The following BORCS7 variants were observed in gnomAD, a reference collection of about 807,000 sequenced individuals.
BORCS7 encodes BLOC-1-related complex subunit 7.
In BORCS7, 20 loss-of-function variants were observed where a neutral mutation model predicts 17.5. That is an observed-to-expected ratio of 1.14 (90% confidence interval 0.80 to 1.66). The LOEUF (loss-of-function observed/expected upper bound fraction) is 1.66. Ranked by LOEUF, BORCS7 falls within the 40% of genes most tolerant of loss-of-function variation. BORCS7 has a pLI of 0.00. For missense variants in BORCS7, 122 were observed against 129.7 expected, an observed-to-expected ratio of 0.94 and a Z score of 0.29; for synonymous variants, 57 against 49.8, an observed-to-expected ratio of 1.14 and a Z score of -0.61.
At position 102,863,106 on chromosome 10, in the gene BORCS7, C is replaced by T. The variant is rs1342930171; in HGVS notation, c.*182C>T. ...ATCCCAGCACTTTGGGAGGCCGAGG[C>T]GGGTGGATCACGAGGTCAGGAGTTC... On this transcript the variant is annotated 3_prime_UTR_variant, in exon 5 of 5. Transcript: ENST00000339834. The T allele has an allele frequency of 2.6e-5, 13 of 503,366 alleles. No homozygotes were observed. The highest frequency in any genetic ancestry group is 3.6e-5 in the East Asian group (1 of 27,882). 31.2% of individuals were successfully genotyped at this position (503,366 alleles called of 1,614,324 possible). A position where few individuals can be genotyped will look rare whatever the true frequency, so the allele number is the denominator to read the frequency against.
chr10:102,857,666 C>A (rs187819414), intron 1 of BORCS7, among the ~76,000 whole-genome samples: 1 of 152,206 alleles, frequency 6.6e-6, no homozygotes, highest in East Asian at 1.9e-4. Context: ...ATTTTTTGTA[C>A]CACTACTTAC....
Position 102,854,553 on chromosome 10 carries a change from T to G in BORCS7, c.141+126T>G, listed in dbSNP as rs932487993. 7.5e-6 allele frequency: 9 copies of G among 1,201,120 alleles called. No homozygotes were observed. The East Asian group carries it at 1.3e-4, about 17-fold the overall frequency. The allele number at this position is 1,201,120 out of a possible 1,614,324, so 74.4% of individuals were successfully genotyped here. A position where few individuals can be genotyped will look rare whatever the true frequency, so the allele number is the denominator to read the frequency against. ...GTGAAGTACTTGCTATGAGTAGGTC[T>G]TCTTCGCGGAGGCGCGTGTTGCATT... On this transcript the variant is annotated intron_variant, in intron 1 of 4. Coordinates refer to ENST00000339834, the MANE Select transcript of BORCS7 (RefSeq NM_001136200.2).
chr10:102,856,246 T>G (rs1477527178), intron 1 of BORCS7, among the ~76,000 whole-genome samples: 1 of 152,178 alleles, frequency 6.6e-6, no homozygotes, highest in East Asian at 1.9e-4. Flanking sequence ...CCATTGTGTT[T>G]TTTTCTAAAC....
At chr10:102,860,122 C>T (rs190290209) in intron 1 of BORCS7, among the ~76,000 whole-genome samples, 9 of 152,270 alleles carry the variant, frequency 5.9e-5, no homozygotes, top group African/African-American at 2.2e-4. Flanking sequence ...AAACAGATGT[C>T]GGGTCCATGC....
chr10:102,854,471 C>A, intron 1 of BORCS7, 44 bp downstream of exon 1: 2 of 1,505,534 alleles, frequency 1.3e-6, no homozygotes, highest in South Asian at 2.4e-5. Context: ...TCCGGGGAGT[C>A]GCAGTCTTTC....
At chr10:102,859,209 C>G (rs1391960791) in intron 1 of BORCS7, among the ~76,000 whole-genome samples, 1 of 149,780 alleles carries the variant, frequency 6.7e-6, no homozygotes, top group Non-Finnish European at 1.5e-5. Context: ...ATGGTGCGAT[C>G]TCGGCTCACT....
chr10:102,858,042 G>A (rs1279389722), intron 1 of BORCS7, among the ~76,000 whole-genome samples: 1 of 151,806 alleles, frequency 6.6e-6, no homozygotes, highest in Non-Finnish European at 1.5e-5. Context: ...GCATGCACTT[G>A]TAGTCCCAGC....
intron 3 of BORCS7, chr10:102,860,767 T>A: frequency 1.6e-6 from 1 of 606,414 alleles, no homozygotes; most frequent in East Asian, 2.8e-5. Flanking sequence ...CCTCCCCATG[T>A]TAAATTGAGG....
chr10:102,860,480 T>C lies in BORCS7; in HGVS notation c.205-18T>C, dbSNP rs1844500052. The C allele has an allele frequency of 1.2e-6, 2 of 1,612,076 alleles. No individual in the cohort carries two copies. Among genetic ancestry groups the C allele is most frequent in the Admixed American group, 3.3e-5 (2 of 59,986 alleles). On this transcript the variant is annotated intron_variant, in intron 2 of 4. Transcript: ENST00000339834. Reference sequence around the variant, plus strand: ...GGGAAGTGGAAATGTTCTATTTCTCTCTCTCTTTTTTATGCAGAGTTTAAG... The same window carrying C: ...GGGAAGTGGAAATGTTCTATTTCTCCCTCTCTTTTTTATGCAGAGTTTAAG...
chr10:102,859,586 G>C (rs140485822), intron 1 of BORCS7, among the ~76,000 whole-genome samples: 3,000 of 136,756 alleles, frequency 0.022, 75 homozygotes, highest in East Asian at 0.08. Context: ...TTTTTTTTGA[G>C]ACAGGGTCTT....
chr10:102,854,512 T>A (rs2134094086), intron 1 of BORCS7, 85 bp downstream of exon 1: 1 of 1,451,346 alleles, frequency 6.9e-7, no homozygotes, highest in South Asian at 1.3e-5. Flanking sequence ...GCGTTGCATC[T>A]TGGGAATTGT....
intron 1 of BORCS7, among the ~76,000 whole-genome samples, chr10:102,855,514 T>C (rs768344547): frequency 2.4e-4 from 37 of 152,274 alleles, no homozygotes; most frequent in South Asian, 1.7e-3. Context: ...GAGAATTTCA[T>C]GTGTAAAAAA....
In BORCS7 at chr10:102,863,289, C is replaced by A. The variant is rs970419286; in HGVS notation, c.*365C>A. ...GGTGGAGGTTGCAGTGAGCCAAGAT[C>A]GCGCCACTGCACTCCAGCCTGGGCG... On this transcript the variant is annotated 3_prime_UTR_variant, in exon 5 of 5. Coordinates refer to ENST00000339834, the MANE Select transcript of BORCS7 (RefSeq NM_001136200.2). 6.2e-6 allele frequency: 1 copy of A among 160,168 alleles called. No individual in the cohort carries two copies. The highest frequency in any genetic ancestry group is 2.4e-5 in the African/African-American group (1 of 41,032). The allele number at this position is 160,168 out of a possible 1,614,324, so 9.9% of individuals were successfully genotyped here. A position where few individuals can be genotyped will look rare whatever the true frequency, so the allele number is the denominator to read the frequency against.
rs995434748 is a variant in BORCS7, at chr10:102,860,249, G to C, written c.142-83G>C. On this transcript the variant is annotated intron_variant, in intron 1 of 4. Coordinates refer to ENST00000339834, the MANE Select transcript of BORCS7 (RefSeq NM_001136200.2). ...GGGTGGAGGAGTGGGAGAGGAGAGAGGGTAGTAGTGTAACAGCTGCAGAGA... is the reference window on the plus strand; with the variant it reads ...GGGTGGAGGAGTGGGAGAGGAGAGACGGTAGTAGTGTAACAGCTGCAGAGA... The C allele has an allele frequency of 8.8e-6, 10 of 1,132,986 alleles. No homozygotes were observed. The African/African-American group carries it at 1.1e-4, about 12-fold the overall frequency. The allele number at this position is 1,132,986 out of a possible 1,614,324, so 70.2% of individuals were successfully genotyped here.
At position 102,858,357 on chromosome 10, in the gene BORCS7, G is replaced by A. The variant is rs564639260; in HGVS notation, c.142-1975G>A. 1.4e-3 allele frequency among the ~76,000 whole-genome samples: 218 copies of A among 151,804 alleles called. 1 individual carries two copies. The highest frequency in any genetic ancestry group is 4.8e-3 in the African/African-American group (198 of 41,452). ...GAAAACCACAAAGCTAATAAAAATA[G>A]TTATGCATGGGGCTGGGTGTAGGGG... On this transcript the variant is annotated intron_variant, in intron 1 of 4. Coordinates refer to ENST00000339834, the MANE Select transcript of BORCS7 (RefSeq NM_001136200.2).
At chr10:102,856,699 C>T (rs1390957161) in intron 1 of BORCS7, among the ~76,000 whole-genome samples, 1 of 152,166 alleles carries the variant, frequency 6.6e-6, no homozygotes, top group African/African-American at 2.4e-5. Context: ...AGATGTTCTT[C>T]CATTTTAAAG....
At position 102,854,430 on chromosome 10, in the gene BORCS7, G is replaced by T. The variant is rs535263629; in HGVS notation, c.141+3G>T. 1.1e-5 allele frequency: 17 copies of T among 1,534,230 alleles called. No homozygotes were observed. The South Asian group carries it at 1.7e-4, about 15-fold the overall frequency. On this transcript the variant is annotated splice_donor_region_variant and intron_variant, in intron 1 of 4. Coordinates refer to ENST00000339834, the MANE Select transcript of BORCS7 (RefSeq NM_001136200.2). Reference sequence around the variant, plus strand: ...TGAAAGGCTCCCGGAGCTCCGAGGTGAGCTGGAAGTGGACTCTCCCGGCCT... The same window carrying T: ...TGAAAGGCTCCCGGAGCTCCGAGGTTAGCTGGAAGTGGACTCTCCCGGCCT...
intron 3 of BORCS7, 100 bp downstream of exon 3, chr10:102,860,641 TG>T: frequency 7.5e-7 from 1 of 1,336,392 alleles, no homozygotes. Flanking sequence ...GAGGCCAGAG[TG>T]GGAGTAAAGG....
chr10:102,857,899 A>G (rs1196342739), intron 1 of BORCS7, among the ~76,000 whole-genome samples: 4 of 152,148 alleles, frequency 2.6e-5, no homozygotes, highest in African/African-American at 9.7e-5. Context: ...ACGGTGGCTC[A>G]TGCTTATAAT....
Sources: gnomAD v4.1 joint callset for allele counts (sites outside exome capture counted in the v4.1 genomes callset) on GRCh38, gnomAD v4.1.1 for gene constraint, MANE v1.5 for transcripts, NCBI Gene and HGNC (gene_info 2026-07-23, HGNC 2026-07-21) for gene names.